Variants in C11orf16 observed in about 807,000 individuals in gnomAD.
The protein encoded by C11orf16 is chromosome 11 open reading frame 16.
In C11orf16, 38 loss-of-function variants were observed where a neutral mutation model predicts 45.1. The observed-to-expected ratio is 0.84, with a 90% CI of 0.65 to 1.10. The LOEUF (loss-of-function observed/expected upper bound fraction) is 1.10, where lower values mean the gene tolerates loss of function less well. C11orf16 is among the 50% of genes least tolerant of loss of function. The pLI, the probability that C11orf16 is intolerant of heterozygous loss-of-function variation, is 0.00. For missense variants in C11orf16, 583 were observed against 569.5 expected, an observed-to-expected ratio of 1.02 and a Z score of -0.24; for synonymous variants, 221 against 222.0, an observed-to-expected ratio of 1.00 and a Z score of 0.04.
intron 5 of C11orf16, among the ~76,000 whole-genome samples, chr11:8,925,235 G>C (rs931711227): frequency 5.9e-5 from 9 of 152,262 alleles, no homozygotes; most frequent in African/African-American, 2.2e-4. Context: ...TGCAACCTTA[G>C]CACAAAGATC....
Position 8,932,194 on chromosome 11 carries a change from A to G in C11orf16, c.115T>C (p.Tyr39His), listed in dbSNP as rs1476061350. The G allele has an allele frequency of 1.3e-6, 2 of 1,594,432 alleles. No homozygotes were observed. Among genetic ancestry groups the G allele is most frequent in the Non-Finnish European group, 1.7e-6 (2 of 1,170,960 alleles). ...CAGGGTGCTTGGAGGGCAAAGGGGTAGGTGAAGGAGAGGTCCCAAGGTGGA... is the reference window on the plus strand; with the variant it reads ...CAGGGTGCTTGGAGGGCAAAGGGGTGGGTGAAGGAGAGGTCCCAAGGTGGA... ...AAPPWDLSFTYPFALQAPWLT... is the reference protein window; with the variant it reads ...AAPPWDLSFTHPFALQAPWLT... The change falls in exon 2 of 7, where the codon TAC becomes CAC. Residue 39 changes from tyrosine (Y) to histidine (H), a missense_variant. Coordinates refer to ENST00000326053, the MANE Select transcript of C11orf16 (RefSeq NM_020643.3).
At position 8,927,081 on chromosome 11, in the gene C11orf16, C is replaced by G; in HGVS notation, c.418G>C (p.Glu140Gln). The G allele has an allele frequency of 6.2e-7, 1 of 1,614,180 alleles. No individual in the cohort carries two copies. The highest frequency in any genetic ancestry group is 2.2e-5 in the East Asian group (1 of 44,878). ...GATGGTGAGAGAGGAATGACATCCT[C>G]TTCTAAGACCACTCTCTGCTGCTGG... is the stretch of plus-strand genomic sequence containing the variant. The part of the protein sequence containing the change: ...PAQQQRVVLE[E>Q]DVIPLSPSVG... The change falls in exon 4 of 7, where the codon GAG becomes CAG. Residue 140 changes from glutamate (E) to glutamine (Q), a missense_variant. Physicochemically the swap from Glu to Gln is conservative, Grantham distance 29. Transcript: ENST00000326053.
intron 6 of C11orf16, among the ~76,000 whole-genome samples, chr11:8,920,682 G>T (rs561552210): frequency 6.6e-6 from 1 of 152,302 alleles, no homozygotes; most frequent in East Asian, 1.9e-4. Context: ...TTAGTCAGGT[G>T]TGGTGGCATG....
At position 8,921,364 on chromosome 11, in the gene C11orf16, C is replaced by G. The variant is rs750447252; in HGVS notation, c.1356G>C (p.Lys452Asn). The G allele has an allele frequency of 6.2e-7, 1 of 1,614,206 alleles. No homozygotes were observed. The highest frequency in any genetic ancestry group is 1.6e-4 in the Middle Eastern group (1 of 6,062). Residue 452 changes from lysine (K) to asparagine (N), a missense_variant, in exon 6 of 7, where the codon AAG becomes AAC. Transcript: ENST00000326053. ...RTPPGEAEHR[K>N]RSQSLAICQW... ...GACATATTGCAAGGCTCTGACTCCG[C>G]TTTCTGTGTTCAGCTTCCCCTGGCG...
intron 2 of C11orf16, among the ~76,000 whole-genome samples, chr11:8,931,610 G>A (rs61876239): frequency 0.21 from 32,000 of 151,960 alleles, 3,530 homozygotes; most frequent in East Asian, 0.35. Context: ...CGCTGGTCTC[G>A]AACTCCTGAC....
chr11:8,925,035 G>C (rs189434297), intron 5 of C11orf16, among the ~76,000 whole-genome samples: 1 of 152,138 alleles, frequency 6.6e-6, no homozygotes, highest in South Asian at 2.1e-4. Flanking sequence ...GGGGCCTCAC[G>C]ACCAATGCTC....
Position 8,932,188 on chromosome 11 carries a change from A to AT in C11orf16, c.120_121insA (p.Phe41IlefsTer118), listed in dbSNP as rs2064654212. 1 of 1,593,396 alleles carries AT rather than the reference A, an allele frequency of 6.3e-7. No individual in the cohort carries two copies. ...GTGAGCCAGGGTGCTTGGAGGGCAAAGGGGTAGGTGAAGGAGAGGTCCCAA... is the reference window on the plus strand; with the variant it reads ...GTGAGCCAGGGTGCTTGGAGGGCAAATGGGGTAGGTGAAGGAGAGGTCCCAA... On this transcript the variant is annotated frameshift_variant, in exon 2 of 7. Coordinates refer to ENST00000326053, the MANE Select transcript of C11orf16 (RefSeq NM_020643.3). LOFTEE classifies it high-confidence loss of function.
Position 8,920,673 on chromosome 11 carries a change from T to C in C11orf16, c.*23-223A>G, listed in dbSNP as rs2064565268. On this transcript the variant is annotated intron_variant, in intron 6 of 6. Transcript: ENST00000326053. ...CTATCTCTACAAAAAGTAAAAAATT[T>C]AGTCAGGTGTGGTGGCATGTGCCTA... Among the ~76,000 whole-genome samples, 3 of 152,130 alleles carry C rather than the reference T, an allele frequency of 2.0e-5. No homozygotes were observed. In the South Asian group the frequency reaches 6.2e-4, roughly 32 times the overall value.
chr11:8,921,533 T>G lies in C11orf16; in HGVS notation c.1205-18A>C, dbSNP rs1169300969. On this transcript the variant is annotated intron_variant, in intron 5 of 6. Transcript: ENST00000326053. ...TCTTGTTCCTAAACCCAAAAGTCAATTACTTAGGTTGAATATGCCACCATT... is the reference window on the plus strand; with the variant it reads ...TCTTGTTCCTAAACCCAAAAGTCAAGTACTTAGGTTGAATATGCCACCATT... The G allele has an allele frequency of 6.2e-6, 10 of 1,611,332 alleles. No homozygotes were observed. Among genetic ancestry groups the G allele is most frequent in the Non-Finnish European group, 8.5e-6 (10 of 1,177,480 alleles).
At chr11:8,930,805 G>C (rs561733903) in intron 2 of C11orf16, among the ~76,000 whole-genome samples, 2 of 152,206 alleles carry the variant, frequency 1.3e-5, no homozygotes, top group South Asian at 2.1e-4. Context: ...CAGGCTGTTC[G>C]TGCTGAGGAG....
At chr11:8,927,275 G>T in intron 3 of C11orf16, 101 bp from the exon 4 acceptor site, 1 of 881,196 alleles carries the variant, frequency 1.1e-6, no homozygotes, top group Non-Finnish European at 1.8e-6. Context: ...CCCAGGGGCT[G>T]CCTTCCAAAC....
At position 8,926,044 on chromosome 11, in the gene C11orf16, C is replaced by T. The variant is rs531228609; in HGVS notation, c.623G>A (p.Gly208Asp). ...GGTCAGGGACACCGACTGGACCCCA[C>T]CTAGGGGCACTTTAGCAGCTTTGCC... is the stretch of plus-strand genomic sequence containing the variant. ...WNGKAAKVPL[G>D]GVQSVSLTIW... The change falls in exon 5 of 7, where the codon GGT (glycine) becomes GAT (aspartate). Residue 208 changes from glycine (G) to aspartate (D), a missense_variant. Gly to Asp is a moderately conservative substitution (Grantham distance 94). Coordinates refer to ENST00000326053, the MANE Select transcript of C11orf16 (RefSeq NM_020643.3). 16 of 1,613,868 alleles carry T rather than the reference C, an allele frequency of 9.9e-6. No homozygotes were observed. The highest frequency in any genetic ancestry group is 1.3e-5 in the Non-Finnish European group (15 of 1,179,972).
At position 8,929,484 on chromosome 11, in the gene C11orf16, C is replaced by T; in HGVS notation, c.217G>A (p.Gly73Arg). Residue 73 changes from glycine (G) to arginine (R), a missense_variant, in exon 3 of 7, where the codon GGG becomes AGG. Coordinates refer to ENST00000326053, the MANE Select transcript of C11orf16 (RefSeq NM_020643.3). Reference protein sequence around the residue: ...CLHVADPAWQGPGWLGRAGDA... With the variant: ...CLHVADPAWQRPGWLGRAGDA... ...CCAGCTCTTCCCAGCCAGCCAGGCC[C>T]CTGCCATGCTGGGTCGGCAACGTGG... is the stretch of plus-strand genomic sequence containing the variant. 1 of 1,614,108 alleles carries T rather than the reference C, an allele frequency of 6.2e-7. No individual in the cohort carries two copies. The highest frequency in any genetic ancestry group is 8.5e-7 in the Non-Finnish European group (1 of 1,180,008).
rs529295654 is a variant in C11orf16 at position 8,925,116 on chromosome 11, A to G, written c.1204+347T>C. Reference sequence around the variant, plus strand: ...GGAGGCATTTGGACTGTTCATCTAGAGAAAAACCAAGGCCTCCAAGAAAAA... The same window carrying G: ...GGAGGCATTTGGACTGTTCATCTAGGGAAAAACCAAGGCCTCCAAGAAAAA... On this transcript the variant is annotated intron_variant, in intron 5 of 6. Transcript: ENST00000326053. Among the ~76,000 whole-genome samples the G allele has an allele frequency of 1.6e-4, 25 of 152,346 alleles. No individual in the cohort carries two copies. In the South Asian group the frequency reaches 1.7e-3, roughly 10 times the overall value.
At chr11:8,928,708 C>T (rs1017996931) in intron 3 of C11orf16, among the ~76,000 whole-genome samples, 12 of 152,066 alleles carry the variant, frequency 7.9e-5, no homozygotes, top group Admixed American at 7.9e-4. Context: ...ACTGTGTTGC[C>T]CAGGCTGGTC....
Position 8,920,394 on chromosome 11 carries a change from G to A in C11orf16, c.*79C>T. The stretch of plus-strand genomic sequence containing the variant: ...CCTCTGCCTCCTTCCGTTGAAGAAG[G>A]CCTTGTCAGCCACTCTGTATAACTC... On this transcript the variant is annotated 3_prime_UTR_variant, in exon 7 of 7. Transcript: ENST00000326053. 1.5e-6 allele frequency: 1 copy of A among 658,906 alleles called. No homozygotes were observed. Among genetic ancestry groups the A allele is most frequent in the Non-Finnish European group, 2.7e-6 (1 of 365,580 alleles). The allele number at this position is 658,906 out of a possible 1,614,324, so 40.8% of individuals were successfully genotyped here. A position where few individuals can be genotyped will look rare whatever the true frequency, so the allele number is the denominator to read the frequency against.
intron 5 of C11orf16, among the ~76,000 whole-genome samples, chr11:8,922,946 T>A (rs185915765): frequency 6.6e-4 from 101 of 152,300 alleles, no homozygotes; most frequent in African/African-American, 2.2e-3. Flanking sequence ...ATGCTCTCCA[T>A]ATATTTGGGA....
rs112748432 is a variant in C11orf16 at position 8,932,162 on chromosome 11, G to C, written c.147C>G (p.Thr49=). ...GGTACCTTGCAAGGGGCTTGTGCCC[G>C]GTGAGCCAGGGTGCTTGGAGGGCAA... ...YPFALQAPWL[T]GHKPLARHAS... is the part of the protein sequence containing the mutation. Residue 49 remains threonine, a synonymous_variant, in exon 2 of 7, where the codon ACC becomes ACG. Transcript: ENST00000326053. 4.1e-4 allele frequency: 651 copies of C among 1,584,282 alleles called. No homozygotes were observed. Among genetic ancestry groups the C allele is most frequent in the Admixed American group, 5.4e-4 (29 of 54,184 alleles).
In C11orf16 at chr11:8,926,172, CTTTTTTTCTTTTCTTTTTTT is replaced by C; in HGVS notation, c.560-85_560-66del. The stretch of plus-strand genomic sequence containing the variant: ...AATTATCTCCTTTTTTTTCTTTTTT[CTTTTTTTCTTTTCTTTTTTT>C]TTTTTTTTTTTTGAGACAGGGTCTG... On this transcript the variant is annotated intron_variant, in intron 4 of 6. Transcript: ENST00000326053. The C allele has an allele frequency of 3.8e-6, 4 of 1,057,558 alleles. No individual in the cohort carries two copies. The African/African-American group carries it at 5.0e-5, about 13-fold the overall frequency. 65.5% of individuals were successfully genotyped at this position (1,057,558 alleles called of 1,614,324 possible).
Sources: allele counts gnomAD v4.1 joint callset (sites outside exome capture counted in the v4.1 genomes callset), GRCh38; gene constraint gnomAD v4.1.1; transcripts MANE v1.5; gene names NCBI Gene and HGNC (gene_info 2026-07-23, HGNC 2026-07-21).